Variants in CDKAL1 observed in about 807,000 individuals in gnomAD.
The protein encoded by CDKAL1 is CDKAL1 threonylcarbamoyladenosine tRNA methylthiotransferase.
Under a neutral mutation model 68.2 loss-of-function variants are expected in CDKAL1, and 32 were observed. The ratio of observed to expected loss-of-function variants is 0.47; its 90% CI spans 0.35 to 0.63. CDKAL1 has a LOEUF of 0.63. Ranked by LOEUF, CDKAL1 falls within the 30% of genes least tolerant of loss-of-function variation. The probability of loss-of-function intolerance (pLI) is 0.00; values close to 1 mark genes in which losing one functional copy is unlikely to be tolerated. For missense variants in CDKAL1, 606 were observed against 696.7 expected, an observed-to-expected ratio of 0.87 and a Z score of 1.47; for synonymous variants, 234 against 244.3, an observed-to-expected ratio of 0.96 and a Z score of 0.39.
At chr6:21,091,456 C>G (rs1362260424) in intron 12 of CDKAL1, among the ~76,000 whole-genome samples, 1 of 152,182 alleles carries the variant, frequency 6.6e-6, no homozygotes, top group African/African-American at 2.4e-5. Flanking sequence ...AATGAGGGCA[C>G]TAACATAAGA....
At chr6:20,562,387 G>A (rs7772137) in intron 4 of CDKAL1, among the ~76,000 whole-genome samples, 10,438 of 152,124 alleles carry the variant, frequency 0.069, 511 homozygotes, top group African/African-American at 0.13. Context: ...TACTCTTGAG[G>A]GTAGACAGCA....
chr6:20,604,233 G>A (rs548121628), intron 4 of CDKAL1, among the ~76,000 whole-genome samples: 1 of 152,088 alleles, frequency 6.6e-6, no homozygotes, highest in Non-Finnish European at 1.5e-5. Context: ...GGCTATATTG[G>A]CAGGGTTGGG....
intron 5 of CDKAL1, among the ~76,000 whole-genome samples, chr6:20,709,302 A>ATT (rs112081423): frequency 5.4e-4 from 81 of 150,416 alleles, no homozygotes; most frequent in African/African-American, 1.9e-3. Context: ...ATACTGTAAG[A>ATT]TTTTTTTTTT....
At chr6:21,174,560 A>C (rs990637624) in intron 13 of CDKAL1, among the ~76,000 whole-genome samples, 1 of 152,190 alleles carries the variant, frequency 6.6e-6, no homozygotes, top group Non-Finnish European at 1.5e-5. Context: ...AAAAACTACA[A>C]AAAAATATTT....
rs148444629 is a variant in CDKAL1, at chr6:20,860,118, C to G, written c.742+13940C>G. 6.7e-3 allele frequency among the ~76,000 whole-genome samples: 1,026 copies of G among 152,150 alleles called. 11 individuals are homozygous for G. Among genetic ancestry groups the G allele is most frequent in the African/African-American group, 0.024 (980 of 41,530 alleles). On this transcript the variant is annotated intron_variant, in intron 9 of 15. Coordinates refer to ENST00000274695, the MANE Select transcript of CDKAL1 (RefSeq NM_017774.3). ...TTTGAGATGGAGTCTCGCTTTGTTG[C>G]CCAGGCTGGAGTGCAGTGGTGTGAT...
chr6:21,065,274 A>G (rs1420328662), intron 12 of CDKAL1, 46 bp downstream of exon 12: 1 of 1,439,150 alleles, frequency 6.9e-7, no homozygotes, highest in African/African-American at 1.4e-5. Flanking sequence ...CAGTAGCTAT[A>G]GAAATGCAGC....
chr6:20,583,969 G>A (rs1765240852), intron 4 of CDKAL1, among the ~76,000 whole-genome samples: 1 of 151,324 alleles, frequency 6.6e-6, no homozygotes, highest in South Asian at 2.1e-4. Flanking sequence ...AAACAGACCA[G>A]ATGTAATTCA....
At chr6:20,922,745 G>T (rs1763015409) in intron 9 of CDKAL1, among the ~76,000 whole-genome samples, 1 of 152,202 alleles carries the variant, frequency 6.6e-6, no homozygotes, top group Non-Finnish European at 1.5e-5. Flanking sequence ...AGTTATTTAA[G>T]TGGTAACCCA....
intron 8 of CDKAL1, among the ~76,000 whole-genome samples, chr6:20,829,550 A>G (rs1250501003): frequency 6.6e-6 from 1 of 152,218 alleles, no homozygotes; most frequent in Admixed American, 6.5e-5. Context: ...CCTTCACCTT[A>G]GTCATATGGG....
At chr6:20,579,343 T>C (rs972833111) in intron 4 of CDKAL1, among the ~76,000 whole-genome samples, 2 of 152,146 alleles carry the variant, frequency 1.3e-5, no homozygotes, top group African/African-American at 4.8e-5. Context: ...TTACATACAA[T>C]ACGGATGCCT....
chr6:20,812,045 G>T (rs1776842714), intron 8 of CDKAL1, among the ~76,000 whole-genome samples: 1 of 152,042 alleles, frequency 6.6e-6, no homozygotes. Flanking sequence ...TTTTATTAAG[G>T]ATTGCAAAAT....
At chr6:20,742,380 G>T (rs181912705) in intron 6 of CDKAL1, among the ~76,000 whole-genome samples, 1 of 100,884 alleles carries the variant, frequency 9.9e-6, no homozygotes, top group African/African-American at 3.7e-5. Context: ...GGAGAAATAA[G>T]AACACATTTT....
chr6:21,176,529 T>C (rs1484272081), intron 13 of CDKAL1, among the ~76,000 whole-genome samples: 1 of 152,182 alleles, frequency 6.6e-6, no homozygotes, highest in Non-Finnish European at 1.5e-5. Flanking sequence ...GAGACCAAAA[T>C]ATTGCTTGGA....
intron 10 of CDKAL1, among the ~76,000 whole-genome samples, chr6:20,999,351 T>G (rs141831915): frequency 3.1e-4 from 47 of 152,154 alleles, no homozygotes; most frequent in African/African-American, 1.1e-3. Flanking sequence ...AGGGCCACAT[T>G]AGTCATCTTA....
chr6:20,922,323 G>A (rs1400805696), intron 9 of CDKAL1, among the ~76,000 whole-genome samples: 1 of 152,180 alleles, frequency 6.6e-6, no homozygotes, highest in Non-Finnish European at 1.5e-5. Context: ...AGAAATCCTG[G>A]TTTTGAAATT....
rs143005515 is a variant in CDKAL1, at chr6:21,191,938, G to A, written c.1300-6083G>A. 6.9e-4 allele frequency among the ~76,000 whole-genome samples: 98 copies of A among 141,744 alleles called. 1 individual carries two copies. The highest frequency in any genetic ancestry group is 2.4e-3 in the African/African-American group (92 of 38,402). The allele number at this position is 141,744 out of a possible 152,430, so 93.0% of individuals were successfully genotyped here. A position where few individuals can be genotyped will look rare whatever the true frequency, so the allele number is the denominator to read the frequency against. On this transcript the variant is annotated intron_variant, in intron 13 of 15. Coordinates refer to ENST00000274695, the MANE Select transcript of CDKAL1 (RefSeq NM_017774.3). ...TGCGCCTTCCTTCACTTTAGTGACC[G>A]AGTCAGAGAAAGCAAGGGATAGTTT...
intron 9 of CDKAL1, among the ~76,000 whole-genome samples, chr6:20,946,631 C>G: frequency 8.0e-6 from 1 of 124,664 alleles, no homozygotes. Context: ...GAGTTTCACT[C>G]TTGTTGCCCA....
At chr6:20,620,224 G>A (rs1490088030) in intron 4 of CDKAL1, among the ~76,000 whole-genome samples, 1 of 152,166 alleles carries the variant, frequency 6.6e-6, no homozygotes, top group Admixed American at 6.5e-5. Flanking sequence ...GGAGGGAAAT[G>A]ATGAAATCTG....
intron 5 of CDKAL1, among the ~76,000 whole-genome samples, chr6:20,706,093 A>T (rs1247456563): frequency 1.3e-5 from 2 of 152,186 alleles, no homozygotes; most frequent in African/African-American, 2.4e-5. Context: ...CACACTTCAC[A>T]GGACAATAGG....
Sources: allele counts gnomAD v4.1 joint callset (sites outside exome capture counted in the v4.1 genomes callset), GRCh38; gene constraint gnomAD v4.1.1; transcripts MANE v1.5; gene names NCBI Gene and HGNC (gene_info 2026-07-23, HGNC 2026-07-21).